The following KIAA1328 variants were observed in gnomAD, a reference collection of about 807,000 sequenced individuals.
The protein encoded by KIAA1328 is protein hinderin.
A neutral mutation model predicts 68.1 loss-of-function variants in KIAA1328; 52 were observed. The ratio of observed to expected loss-of-function variants is 0.76; its 90% CI spans 0.61 to 0.96. KIAA1328 has a LOEUF of 0.96. Among genes scored for constraint, KIAA1328 ranks in the 40% least tolerant of loss-of-function variants. The pLI is 0.00. For missense variants in KIAA1328, 641 were observed against 677.6 expected (o/e 0.95, Z 0.60); for synonymous variants, 232 against 239.4 (o/e 0.97, Z 0.28).
chr18:37,119,416 A>C (rs1383127395), intron 7 of KIAA1328, among the ~76,000 whole-genome samples: 1 of 152,108 alleles, frequency 6.6e-6, no homozygotes, highest in African/African-American at 2.4e-5. Flanking sequence ...ATTTTCTCAC[A>C]GTTAGGCAGG....
At chr18:36,831,465 A>C (rs1267066953) in intron 1 of KIAA1328, among the ~76,000 whole-genome samples, 1 of 152,220 alleles carries the variant, frequency 6.6e-6, no homozygotes, top group Non-Finnish European at 1.5e-5. Flanking sequence ...ATGCTCCTTC[A>C]GTTTAAGTTG....
At chr18:36,986,356 C>A (rs186429243) in intron 6 of KIAA1328, among the ~76,000 whole-genome samples, 1 of 151,606 alleles carries the variant, frequency 6.6e-6, no homozygotes, top group Non-Finnish European at 1.5e-5. Context: ...AAGATTTAAA[C>A]GTTAGACCTA....
intron 4 of KIAA1328, among the ~76,000 whole-genome samples, chr18:36,884,793 C>A (rs1018466082): frequency 1.3e-5 from 2 of 152,114 alleles, no homozygotes; most frequent in Non-Finnish European, 2.9e-5. Context: ...ATAGGATTGT[C>A]CCAATATATA....
chr18:36,868,625 A>G (rs1045856272), intron 4 of KIAA1328, among the ~76,000 whole-genome samples: 1 of 152,202 alleles, frequency 6.6e-6, no homozygotes, highest in Non-Finnish European at 1.5e-5. Context: ...TCAAAGTTTT[A>G]GAACAATGTT....
chr18:37,068,298 G>A (rs894130867), intron 7 of KIAA1328, among the ~76,000 whole-genome samples: 5 of 152,006 alleles, frequency 3.3e-5, no homozygotes, highest in South Asian at 2.1e-4. Context: ...ACAAGTGATG[G>A]GAGTCTTCTA....
At chr18:36,871,370 A>G (rs2047938451) in intron 4 of KIAA1328, among the ~76,000 whole-genome samples, 1 of 152,174 alleles carries the variant, frequency 6.6e-6, no homozygotes, top group African/African-American at 2.4e-5. Context: ...TCAATAGGTC[A>G]TATCAGGGGC....
chr18:36,976,079 A>T (rs1037586619), intron 6 of KIAA1328, among the ~76,000 whole-genome samples: 10 of 152,222 alleles, frequency 6.6e-5, no homozygotes, highest in African/African-American at 2.4e-4. Context: ...CTTTCTGATG[A>T]TGTAACTGTC....
chr18:36,987,377 C>T (rs1397694866), intron 6 of KIAA1328, among the ~76,000 whole-genome samples: 2 of 146,898 alleles, frequency 1.4e-5, no homozygotes, highest in African/African-American at 4.9e-5. Context: ...GGAGATATAC[C>T]TAATGCTAGA....
chr18:36,833,386 A>T (rs1268285634), intron 1 of KIAA1328: 1 of 152,204 alleles, frequency 6.6e-6, no homozygotes, highest in Non-Finnish European at 1.5e-5. Context: ...CAGAAGCTAT[A>T]AGGTAGGAGC....
chr18:37,157,296 G>T (rs144736680), intron 7 of KIAA1328, among the ~76,000 whole-genome samples: 3 of 151,768 alleles, frequency 2.0e-5, no homozygotes, highest in African/African-American at 7.3e-5. Context: ...CATGCCTATT[G>T]GAAGAAATTA....
intron 5 of KIAA1328, among the ~76,000 whole-genome samples, chr18:36,953,255 A>G (rs1055779489): frequency 1.4e-5 from 2 of 147,512 alleles, no homozygotes; most frequent in African/African-American, 4.9e-5. Flanking sequence ...ATATAGTGTA[A>G]TATTTAATAA....
intron 7 of KIAA1328, among the ~76,000 whole-genome samples, chr18:37,148,698 A>T (rs1489608549): frequency 2.0e-5 from 3 of 152,066 alleles, no homozygotes; most frequent in African/African-American, 2.4e-5. Context: ...TGTGGTTTTG[A>T]TTTGCATTTA....
chr18:37,118,726 A>G (rs913058680), intron 7 of KIAA1328, among the ~76,000 whole-genome samples: 25 of 152,266 alleles, frequency 1.6e-4, no homozygotes, highest in Admixed American at 9.2e-4. Context: ...CTCTAGACCA[A>G]CAGACCCTAA....
chr18:37,220,823 G>T (rs190266771), intron 9 of KIAA1328, among the ~76,000 whole-genome samples: 120 of 152,204 alleles, frequency 7.9e-4, no homozygotes, highest in Middle Eastern at 3.4e-3. Context: ...TGTTTGTTTG[G>T]TTGGTTGGTT....
chr18:36,982,092 T>C (rs2052713453), intron 6 of KIAA1328, among the ~76,000 whole-genome samples: 2 of 144,692 alleles, frequency 1.4e-5, no homozygotes, highest in Admixed American at 1.4e-4. Context: ...ATTTATATTA[T>C]ATTATATATA....
chr18:37,148,380 A>C lies in KIAA1328; in HGVS notation c.1233-11820A>C, dbSNP rs144525918. On this transcript the variant is annotated intron_variant, in intron 7 of 9. Transcript: ENST00000280020. ...ATTTTCTTTATCCAGTCTATCATTG[A>C]TGGGCATTTGGGTTGATTCCATGTC... 5.1e-3 allele frequency among the ~76,000 whole-genome samples: 780 copies of C among 152,196 alleles called. 4 individuals carry two copies. Among genetic ancestry groups the C allele is most frequent in the South Asian group, 8.7e-3 (42 of 4,824 alleles).
chr18:37,222,169 A>G lies in KIAA1328; in HGVS notation c.1676A>G (p.His559Arg). ...LKSTRKKMGM[H>R]RTPEELEENQ... ...TCAACCCGGAAGAAGATGGGGATGC[A>G]CAGAACCCCTGAAGAGTTGGAGGAG... is the stretch of plus-strand genomic sequence containing the variant. Residue 559 changes from histidine (H) to arginine (R), a missense_variant, in exon 10 of 10, where the codon CAC (histidine) becomes CGC (arginine). By Grantham distance (29) the His-to-Arg change is conservative (BLOSUM62 0). Coordinates refer to ENST00000280020, the MANE Select transcript of KIAA1328 (RefSeq NM_020776.3). 1 of 1,604,220 alleles carries G rather than the reference A, an allele frequency of 6.2e-7. No homozygotes were observed. The highest frequency in any genetic ancestry group is 8.5e-7 in the Non-Finnish European group (1 of 1,174,900).
At chr18:36,874,525 TG>T (rs2048055042) in intron 4 of KIAA1328, among the ~76,000 whole-genome samples, 1 of 152,224 alleles carries the variant, frequency 6.6e-6, no homozygotes, top group Admixed American at 6.5e-5. Flanking sequence ...CACTTTTTGA[TG>T]GGGTTGTTTG....
chr18:37,151,236 C>T (rs1016900219), intron 7 of KIAA1328, among the ~76,000 whole-genome samples: 7 of 152,048 alleles, frequency 4.6e-5, no homozygotes, highest in African/African-American at 1.4e-4. Context: ...CAAAATATCT[C>T]TACATGATAA....
Sources: gnomAD v4.1 joint callset for allele counts (sites outside exome capture counted in the v4.1 genomes callset) on GRCh38, gnomAD v4.1.1 for gene constraint, MANE v1.5 for transcripts, NCBI Gene and HGNC (gene_info 2026-07-23, HGNC 2026-07-21) for gene names.